Variants in ZNF423 observed in about 807,000 individuals in gnomAD.
ZNF423 encodes Ebf-associated zinc finger protein.
In ZNF423, 12 loss-of-function variants were observed where a neutral mutation model predicts 95.8. The observed-to-expected ratio is 0.13, with a 90% CI of 0.08 to 0.20. ZNF423 has a LOEUF of 0.20. ZNF423 is among the 10% of genes least tolerant of loss of function. The pLI is 1.00. For missense variants in ZNF423, 1,316 were observed against 1,737.1 expected, an observed-to-expected ratio of 0.76 and a Z score of 4.31; for synonymous variants, 749 against 711.9, an observed-to-expected ratio of 1.05 and a Z score of -0.83.
chr16:49,689,161 G>A (rs758555725), intron 3 of ZNF423, among the ~76,000 whole-genome samples: 14 of 152,110 alleles, frequency 9.2e-5, no homozygotes, highest in Non-Finnish European at 2.1e-4. Flanking sequence ...AGAATTTGGG[G>A]CTGGACACAG....
At chr16:49,535,190 C>T (rs1198908738) in intron 5 of ZNF423, among the ~76,000 whole-genome samples, 1 of 152,218 alleles carries the variant, frequency 6.6e-6, no homozygotes, top group Non-Finnish European at 1.5e-5. Context: ...GGGGCCCAGC[C>T]TGGATGGGAT....
intron 2 of ZNF423, among the ~76,000 whole-genome samples, chr16:49,784,271 C>G (rs543087419): frequency 6.6e-6 from 1 of 152,004 alleles, no homozygotes; most frequent in South Asian, 2.1e-4. Context: ...TGCGGTGACA[C>G]ACACCTGTAG....
At chr16:49,744,082 C>T (rs2033471016) in intron 2 of ZNF423, among the ~76,000 whole-genome samples, 2 of 152,090 alleles carry the variant, frequency 1.3e-5, no homozygotes, top group South Asian at 4.1e-4. Flanking sequence ...TCCAGGAGAC[C>T]CCAGGGGTCT....
intron 5 of ZNF423, among the ~76,000 whole-genome samples, chr16:49,566,891 G>C (rs1970210904): frequency 6.6e-6 from 1 of 152,028 alleles, no homozygotes; most frequent in African/African-American, 2.4e-5. Flanking sequence ...AGCCTGAGCA[G>C]AAAACTCACA....
At chr16:49,659,035 T>G (rs2030051900) in intron 3 of ZNF423, among the ~76,000 whole-genome samples, 1 of 152,254 alleles carries the variant, frequency 6.6e-6, no homozygotes, top group African/African-American at 2.4e-5. Flanking sequence ...TCTATATTAT[T>G]TATTTACTCA....
intron 5 of ZNF423, among the ~76,000 whole-genome samples, chr16:49,565,139 C>T (rs962901018): frequency 6.6e-6 from 1 of 152,138 alleles, no homozygotes; most frequent in Admixed American, 6.6e-5. Context: ...ATCAGCACGG[C>T]GCCGCAGCTG....
chr16:49,577,761 G>A (rs1174215803), intron 5 of ZNF423, among the ~76,000 whole-genome samples: 2 of 152,178 alleles, frequency 1.3e-5, no homozygotes, highest in Non-Finnish European at 2.9e-5. Flanking sequence ...TGGCACAAGA[G>A]GGAGACCTCC....
chr16:49,796,220 C>T lies in ZNF423; in HGVS notation c.41-6674G>A, dbSNP rs546006059. The stretch of plus-strand genomic sequence containing the variant: ...AACTCTCCTGCTCTGGGATTGGCCA[C>T]AGCTCGTCCCCTGTGCACTAGCACA... On this transcript the variant is annotated intron_variant, in intron 1 of 7. Transcript: ENST00000563137. Among the ~76,000 whole-genome samples the T allele has an allele frequency of 2.0e-5, 3 of 152,272 alleles. No homozygotes were observed. The South Asian group carries it at 6.2e-4, about 32-fold the overall frequency.
At chr16:49,773,633 C>G (rs1478596493) in intron 2 of ZNF423, among the ~76,000 whole-genome samples, 1 of 152,174 alleles carries the variant, frequency 6.6e-6, no homozygotes, top group East Asian at 1.9e-4. Flanking sequence ...TAAATAATGA[C>G]CTGTACATAG....
chr16:49,829,361 C>T (rs1019673634), intron 1 of ZNF423, among the ~76,000 whole-genome samples: 3 of 152,314 alleles, frequency 2.0e-5, no homozygotes, highest in South Asian at 4.1e-4. Flanking sequence ...GCAGTGTAAA[C>T]GAGCCCTCCT....
chr16:49,593,928 C>T (rs868460117), intron 5 of ZNF423, among the ~76,000 whole-genome samples: 1 of 152,122 alleles, frequency 6.6e-6, no homozygotes, highest in Admixed American at 6.5e-5. Flanking sequence ...CTCCTCCTGG[C>T]CCCCCATGGA....
intron 1 of ZNF423, among the ~76,000 whole-genome samples, chr16:49,848,309 G>A (rs2035266688): frequency 6.6e-6 from 1 of 152,138 alleles, no homozygotes; most frequent in Admixed American, 6.5e-5. Context: ...GACAGCTGGG[G>A]ATCCACTCAT....
intron 5 of ZNF423, among the ~76,000 whole-genome samples, chr16:49,601,445 A>G (rs1971370533): frequency 6.6e-6 from 1 of 152,232 alleles, no homozygotes; most frequent in Admixed American, 6.5e-5. Flanking sequence ...TGTTGTTATT[A>G]TCGTGTTAAA....
At chr16:49,706,721 G>C (rs566210174) in intron 3 of ZNF423, among the ~76,000 whole-genome samples, 1 of 152,346 alleles carries the variant, frequency 6.6e-6, no homozygotes, top group South Asian at 2.1e-4. Context: ...GCAACTTAGA[G>C]ATCTAAACAT....
rs187006009 is a variant in ZNF423 at position 49,775,278 on chromosome 16, A to G, written c.100+14209T>C. Among the ~76,000 whole-genome samples, 3 of 152,288 alleles carry G rather than the reference A, an allele frequency of 2.0e-5. No individual in the cohort carries two copies. The East Asian group carries it at 5.8e-4, about 29-fold the overall frequency. ...TTCCTCAGCATTCCAAGCCAGGGGGAAAACACTGGTCTGTCCCAAGCTCTT... is the reference window on the plus strand; with the variant it reads ...TTCCTCAGCATTCCAAGCCAGGGGGGAAACACTGGTCTGTCCCAAGCTCTT... On this transcript the variant is annotated intron_variant, in intron 2 of 7. Coordinates refer to ENST00000563137, the MANE Select transcript of ZNF423 (RefSeq NM_001379286.1).
intron 3 of ZNF423, among the ~76,000 whole-genome samples, chr16:49,684,951 C>T (rs973968570): frequency 1.3e-5 from 2 of 152,210 alleles, no homozygotes; most frequent in Non-Finnish European, 2.9e-5. Flanking sequence ...ATCTACAGCC[C>T]AGAAAGGCAG....
intron 5 of ZNF423, among the ~76,000 whole-genome samples, chr16:49,557,659 C>A (rs892516184): frequency 1.3e-5 from 2 of 152,200 alleles, no homozygotes; most frequent in Non-Finnish European, 2.9e-5. Flanking sequence ...GGTGATGGGG[C>A]GGTTTGGGTG....
At chr16:49,725,074 A>G (rs897695036) in intron 3 of ZNF423, among the ~76,000 whole-genome samples, 3 of 152,182 alleles carry the variant, frequency 2.0e-5, no homozygotes, top group Non-Finnish European at 4.4e-5. Flanking sequence ...AAGGTCCTCC[A>G]GCTCTCTGAG....
At chr16:49,611,928 A>G (rs1801248948) in intron 5 of ZNF423, among the ~76,000 whole-genome samples, 1 of 152,082 alleles carries the variant, frequency 6.6e-6, no homozygotes, top group Non-Finnish European at 1.5e-5. Context: ...AAACTACCAG[A>G]ATACACATAA....
Sources: gnomAD v4.1 joint callset for allele counts (sites outside exome capture counted in the v4.1 genomes callset) on GRCh38, gnomAD v4.1.1 for gene constraint, MANE v1.5 for transcripts, NCBI Gene and HGNC (gene_info 2026-07-23, HGNC 2026-07-21) for gene names.